The following MAMDC2 variants were observed in gnomAD, a reference collection of about 807,000 sequenced individuals.
MAMDC2 encodes the protein MAM domain-containing protein 2.
MAMDC2 carries 57 observed loss-of-function variants against 89.8 expected under a neutral mutation model. The ratio of observed to expected loss-of-function variants is 0.63; its 90% CI spans 0.51 to 0.79. The LOEUF is 0.79. Among genes scored for constraint, MAMDC2 ranks in the 30% least tolerant of loss-of-function variants. The pLI, the probability that MAMDC2 is intolerant of heterozygous loss-of-function variation, is 0.00. For synonymous variants in MAMDC2, 313 were observed against 293.4 expected (o/e 1.07, Z -0.68); for missense variants, 800 against 820.6 (o/e 0.97, Z 0.31).
chr9:70,156,933 C>G (rs1221654845), intron 9 of MAMDC2, among the ~76,000 whole-genome samples: 1 of 152,198 alleles, frequency 6.6e-6, no homozygotes, highest in East Asian at 1.9e-4. Context: ...GTTGCTGACA[C>G]ATACTTTACA....
intron 11 of MAMDC2, among the ~76,000 whole-genome samples, chr9:70,173,368 GGAAT>G (rs748064541): frequency 1.1e-4 from 17 of 152,062 alleles, no homozygotes; most frequent in Non-Finnish European, 2.1e-4. Context: ...AAATGCCTAT[GGAAT>G]GAATGAATGA....
chr9:70,089,527 AATT>A (rs1827841968), intron 2 of MAMDC2, among the ~76,000 whole-genome samples: 1 of 152,086 alleles, frequency 6.6e-6, no homozygotes, highest in South Asian at 2.1e-4. Flanking sequence ...AAATCTAGGG[AATT>A]ATAAATAGGC....
At chr9:70,147,405 T>C (rs2031440356) in intron 9 of MAMDC2, among the ~76,000 whole-genome samples, 1 of 150,492 alleles carries the variant, frequency 6.6e-6, no homozygotes, top group African/African-American at 2.5e-5. Flanking sequence ...CTTAGCTGTG[T>C]TGGCTGACTC....
chr9:70,083,406 T>C (rs1326191327), intron 2 of MAMDC2: 1 of 152,168 alleles, frequency 6.6e-6, no homozygotes, highest in Non-Finnish European at 1.5e-5. Flanking sequence ...AAAAAAGTGT[T>C]GCTCATTCTA....
intron 2 of MAMDC2, among the ~76,000 whole-genome samples, chr9:70,095,570 G>A (rs1828008996): frequency 6.6e-6 from 1 of 152,134 alleles, no homozygotes; most frequent in South Asian, 2.1e-4. Context: ...TCAGATTTGG[G>A]AGAGTAGGAT....
At chr9:70,079,220 C>T (rs1292200615) in intron 2 of MAMDC2, 2 of 152,148 alleles carry the variant, frequency 1.3e-5, no homozygotes, top group Non-Finnish European at 2.9e-5. Flanking sequence ...CCCTGAGATG[C>T]TATAGATGAC....
chr9:70,199,191 A>C (rs2033043147), intron 11 of MAMDC2, among the ~76,000 whole-genome samples: 1 of 23,890 alleles, frequency 4.2e-5, no homozygotes, highest in Non-Finnish European at 1.2e-4. Context: ...ATATCTCCCA[A>C]TGCTATCCCT....
intron 12 of MAMDC2, among the ~76,000 whole-genome samples, chr9:70,220,437 G>A (rs1323579522): frequency 1.3e-5 from 2 of 152,164 alleles, no homozygotes; most frequent in African/African-American, 2.4e-5. Flanking sequence ...AATCTCCTCT[G>A]TGTTAGTGAT....
chr9:70,148,771 T>C (rs1443373064), intron 9 of MAMDC2, among the ~76,000 whole-genome samples: 1 of 150,002 alleles, frequency 6.7e-6, no homozygotes, highest in Non-Finnish European at 1.5e-5. Context: ...GGCTCACGCC[T>C]GTAATCCCAG....
rs1422083697 is a variant in MAMDC2 at position 70,168,756 on chromosome 9, G to C, written c.1459G>C (p.Asp487His). The change falls in exon 10 of 14, where the codon GAT becomes CAT. Residue 487 changes from aspartate to histidine, a missense_variant. Coordinates refer to ENST00000377182, the MANE Select transcript of MAMDC2 (RefSeq NM_153267.5). Reference sequence around the variant, plus strand: ...CTGGGACTGTGGGCTTGTAGCCCTGGATGACATTACAATACAATTGGGAAG... The same window carrying C: ...CTGGGACTGTGGGCTTGTAGCCCTGCATGACATTACAATACAATTGGGAAG... ...SFWDCGLVAL[D>H]DITIQLGSCS... The C allele has an allele frequency of 4.3e-6, 7 of 1,613,966 alleles. No homozygotes were observed. In the Middle Eastern group the frequency reaches 6.6e-4, roughly 152 times the overall value.
intron 12 of MAMDC2, among the ~76,000 whole-genome samples, chr9:70,221,750 C>T (rs2033570813): frequency 6.6e-6 from 1 of 151,132 alleles, no homozygotes. Context: ...TCACATTGTA[C>T]CCCATAAAGG....
intron 9 of MAMDC2, among the ~76,000 whole-genome samples, chr9:70,155,630 T>TA (rs2031734690): frequency 6.6e-6 from 1 of 152,204 alleles, no homozygotes; most frequent in African/African-American, 2.4e-5. Context: ...AGTACCCATT[T>TA]AAGTTGCCAA....
chr9:70,044,539 G>T, intron 1 of MAMDC2, 45 bp from the exon 2 acceptor site: 1 of 1,476,202 alleles, frequency 6.8e-7, no homozygotes. Context: ...TTGGTGCAAA[G>T]GCTCCTGGGT....
intron 7 of MAMDC2, among the ~76,000 whole-genome samples, chr9:70,135,473 A>ATT (rs5898120): frequency 4.0e-5 from 6 of 151,742 alleles, no homozygotes; most frequent in South Asian, 4.2e-4. Context: ...TGCTTTTGAG[A>ATT]TTTTTTTTTA....
At chr9:70,048,924 G>A (rs1331790493) in intron 2 of MAMDC2, among the ~76,000 whole-genome samples, 1 of 152,210 alleles carries the variant, frequency 6.6e-6, no homozygotes, top group Non-Finnish European at 1.5e-5. Flanking sequence ...CACTTGAGGA[G>A]CTGAGGCAGG....
intron 2 of MAMDC2, among the ~76,000 whole-genome samples, chr9:70,075,730 A>G (rs1827515068): frequency 6.6e-6 from 1 of 152,174 alleles, no homozygotes. Flanking sequence ...CTACAATTAC[A>G]TGTGTATGAA....
intron 7 of MAMDC2, 111 bp downstream of exon 7, chr9:70,131,723 C>T: frequency 1.3e-6 from 1 of 795,020 alleles, no homozygotes; most frequent in Non-Finnish European, 2.0e-6. Flanking sequence ...CCCCTTCTGT[C>T]ATCCTTAAAA....
chr9:70,045,022 TGTGTGCCTCTGCAGGCCAGCA>T (rs1826712996), intron 2 of MAMDC2, among the ~76,000 whole-genome samples: 1 of 151,042 alleles, frequency 6.6e-6, no homozygotes, highest in Non-Finnish European at 1.5e-5. Flanking sequence ...GCACACCAGC[TGTGTGCCTCTGCAGGCCAGCA>T]ACCTTTCTGG....
chr9:70,150,291 C>T (rs1226069041), intron 9 of MAMDC2, among the ~76,000 whole-genome samples: 1 of 152,216 alleles, frequency 6.6e-6, no homozygotes, highest in Non-Finnish European at 1.5e-5. Context: ...CAACACTTGT[C>T]AGGTGTCACA....
Sources: gnomAD v4.1 joint callset for allele counts (sites outside exome capture counted in the v4.1 genomes callset) on GRCh38, gnomAD v4.1.1 for gene constraint, MANE v1.5 for transcripts, NCBI Gene and HGNC (gene_info 2026-07-23, HGNC 2026-07-21) for gene names.